The following JAZF1 variants were observed in gnomAD, a reference collection of about 807,000 sequenced individuals.
JAZF1 encodes JAZF zinc finger 1.
In JAZF1, 8 loss-of-function variants were observed where a neutral mutation model predicts 26.4. The observed-to-expected ratio is 0.30, with a 90% CI of 0.18 to 0.55. The LOEUF is 0.55. JAZF1 is among the 20% of genes least tolerant of loss of function. JAZF1 has a pLI of 0.94. For synonymous variants in JAZF1, 126 were observed against 122.3 expected (o/e 1.03, Z -0.20); for missense variants, 199 against 322.0 (o/e 0.62, Z 2.92).
chr7:27,984,207 T>C (rs1233398376), intron 2 of JAZF1, among the ~76,000 whole-genome samples: 1 of 152,080 alleles, frequency 6.6e-6, no homozygotes, highest in African/African-American at 2.4e-5. Flanking sequence ...AGGAGACCCA[T>C]CTCATGTGCA....
intron 1 of JAZF1, among the ~76,000 whole-genome samples, chr7:28,148,744 T>C (rs1391713557): frequency 6.6e-6 from 1 of 152,214 alleles, no homozygotes; most frequent in African/African-American, 2.4e-5. Context: ...AATGCATGGT[T>C]GCTGCACTCA....
At chr7:27,857,982 G>A (rs1032552872) in intron 3 of JAZF1, among the ~76,000 whole-genome samples, 12 of 152,178 alleles carry the variant, frequency 7.9e-5, no homozygotes, top group African/African-American at 2.9e-4. Flanking sequence ...TGACATGATT[G>A]TATATTTAGA....
Position 27,840,688 on chromosome 7 carries a change from CCT to C in JAZF1, c.555+8_555+9del, listed in dbSNP as rs769814909. On this transcript the variant is annotated splice_region_variant and intron_variant, in intron 4 of 4. Transcript: ENST00000283928. The surrounding 1 kb of genome is among the most constrained non-coding windows in gnomAD (Gnocchi z 5.1). ...ATGTGGTTATGCCAAGCATGCAGCA[CCT>C]CTGTTACCTTGTATCTCTTTTTACA... The C allele has an allele frequency of 1.2e-5, 19 of 1,613,680 alleles. No individual in the cohort carries two copies. Among genetic ancestry groups the C allele is most frequent in the Non-Finnish European group, 1.4e-5 (17 of 1,179,748 alleles).
intron 2 of JAZF1, among the ~76,000 whole-genome samples, chr7:27,927,632 G>A (rs1784621691): frequency 6.6e-6 from 1 of 151,898 alleles, no homozygotes. Flanking sequence ...TGTGGGCAAG[G>A]GCCTCATAGA....
chr7:28,007,936 C>T (rs1238281782), intron 1 of JAZF1, among the ~76,000 whole-genome samples: 1 of 152,120 alleles, frequency 6.6e-6, no homozygotes, highest in Non-Finnish European at 1.5e-5. Context: ...TGCTGGAATG[C>T]TTTGGAAGCA....
intron 2 of JAZF1, among the ~76,000 whole-genome samples, chr7:27,976,175 T>G (rs887919771): frequency 1.3e-5 from 2 of 151,792 alleles, no homozygotes; most frequent in African/African-American, 4.8e-5. Flanking sequence ...AAACCCCGTC[T>G]CTACTAAAAA....
chr7:27,938,486 G>C (rs1041379976), intron 2 of JAZF1, among the ~76,000 whole-genome samples: 6 of 152,188 alleles, frequency 3.9e-5, no homozygotes, highest in Middle Eastern at 3.2e-3. Flanking sequence ...ATTAAACTCA[G>C]CTTCACACCT....
chr7:28,133,570 A>G (rs1483575435), intron 1 of JAZF1, among the ~76,000 whole-genome samples: 1 of 152,180 alleles, frequency 6.6e-6, no homozygotes, highest in Non-Finnish European at 1.5e-5. Context: ...TAGTCTCACT[A>G]AAAAGGAAAA....
chr7:28,045,544 G>A (rs1282907829), intron 1 of JAZF1, among the ~76,000 whole-genome samples: 2 of 152,138 alleles, frequency 1.3e-5, no homozygotes, highest in East Asian at 1.9e-4. Flanking sequence ...AAAGTGCAAT[G>A]AGTGTGTGGA....
intron 2 of JAZF1, among the ~76,000 whole-genome samples, chr7:27,967,507 A>G (rs1785298197): frequency 6.6e-6 from 1 of 152,196 alleles, no homozygotes; most frequent in Non-Finnish European, 1.5e-5. Context: ...ATATTTGTGT[A>G]CTCAGATCAA....
At chr7:27,965,349 A>G (rs911446559) in intron 2 of JAZF1, among the ~76,000 whole-genome samples, 9 of 152,232 alleles carry the variant, frequency 5.9e-5, no homozygotes, top group African/African-American at 2.2e-4. Context: ...AGATCTGAAC[A>G]TGTTTATTTT....
At chr7:27,836,662 G>T (rs1017613605) in intron 4 of JAZF1, among the ~76,000 whole-genome samples, 1 of 152,180 alleles carries the variant, frequency 6.6e-6, no homozygotes, top group African/African-American at 2.4e-5. Flanking sequence ...TGGTAATGGT[G>T]GGGGTTAAAA....
At chr7:27,921,385 T>A (rs988786453) in intron 2 of JAZF1, among the ~76,000 whole-genome samples, 8 of 151,984 alleles carry the variant, frequency 5.3e-5, no homozygotes, top group African/African-American at 1.7e-4. Context: ...AAATATGGTA[T>A]TATAGAGCCC....
intron 1 of JAZF1, among the ~76,000 whole-genome samples, chr7:28,046,571 T>C (rs1208830803): frequency 1.3e-5 from 2 of 152,188 alleles, no homozygotes; most frequent in Admixed American, 1.3e-4. Context: ...GGATAGGTGT[T>C]ACCCTCCTAA....
rs567876608 is a variant in JAZF1, at chr7:28,139,155, C to T, written c.115+41308G>A. On this transcript the variant is annotated intron_variant, in intron 1 of 4. Coordinates refer to ENST00000283928, the MANE Select transcript of JAZF1 (RefSeq NM_175061.4). ...TCACAAAACACTGATTTTGTATCCT[C>T]CTGTCAGTGCCTGAAGACCTCAAGG... Among the ~76,000 whole-genome samples, 5 of 152,280 alleles carry T rather than the reference C, an allele frequency of 3.3e-5. No individual in the cohort carries two copies. The South Asian group carries it at 1.0e-3, about 32-fold the overall frequency.
In JAZF1 at chr7:28,032,635, C is replaced by T. The variant is rs1218622050; in HGVS notation, c.116-40654G>A. On this transcript the variant is annotated intron_variant, in intron 1 of 4. Transcript: ENST00000283928. The stretch of plus-strand genomic sequence containing the variant: ...TTATCTTCACTTTAATAAGAATTTG[C>T]CCAATATATTTAGAATATGAGGCAG... Among the ~76,000 whole-genome samples the T allele has an allele frequency of 2.0e-5, 3 of 152,062 alleles. No individual in the cohort carries two copies. The East Asian group carries it at 5.8e-4, about 29-fold the overall frequency.
At chr7:27,931,794 G>A (rs1784692490) in intron 2 of JAZF1, among the ~76,000 whole-genome samples, 1 of 151,934 alleles carries the variant, frequency 6.6e-6, no homozygotes, top group Non-Finnish European at 1.5e-5. Context: ...AGACGTGCTG[G>A]AACCTGGGAG....
intron 2 of JAZF1, among the ~76,000 whole-genome samples, chr7:27,948,475 T>C (rs1458683357): frequency 6.6e-6 from 1 of 152,160 alleles, no homozygotes; most frequent in African/African-American, 2.4e-5. Flanking sequence ...CCTTTCCCAC[T>C]GTGCCACAAT....
At chr7:28,131,469 G>A (rs1013427634) in intron 1 of JAZF1, among the ~76,000 whole-genome samples, 4 of 151,950 alleles carry the variant, frequency 2.6e-5, no homozygotes, top group Admixed American at 1.3e-4. Context: ...ATAAAACCAC[G>A]ATATGCACTA....
Sources: gnomAD v4.1 joint callset for allele counts (sites outside exome capture counted in the v4.1 genomes callset) on GRCh38, gnomAD v4.1.1 for gene constraint, Gnocchi (gnomAD v3.1) non-coding constraint, MANE v1.5 for transcripts, NCBI Gene and HGNC (gene_info 2026-07-23, HGNC 2026-07-21) for gene names.